Variants in SEM1 observed in about 807,000 individuals in gnomAD.
SEM1 encodes SEM1 26S proteasome subunit, also known as 26S proteasome complex subunit SEM1.
Under a neutral mutation model 12.7 loss-of-function variants are expected in SEM1, and 3 were observed. The ratio of observed to expected loss-of-function variants is 0.24; its 90% CI spans 0.11 to 0.61. The LOEUF (loss-of-function observed/expected upper bound fraction) is 0.61, where lower values mean the gene tolerates loss of function less well. SEM1 is among the 20% of genes least tolerant of loss of function. The pLI, the probability that SEM1 is intolerant of heterozygous loss-of-function variation, is 0.88. For missense variants in SEM1, 59 were observed against 81.3 expected, an observed-to-expected ratio of 0.73 and a Z score of 1.06; for synonymous variants, 30 against 27.8, an observed-to-expected ratio of 1.08 and a Z score of -0.25.
At position 96,682,463 on chromosome 7, in the gene SEM1, C is replaced by T. The variant is rs146389107; in HGVS notation, c.171-8604G>A. 5.8e-3 allele frequency among the ~76,000 whole-genome samples: 883 copies of T among 152,110 alleles called. 9 individuals carry two copies. The highest frequency in any genetic ancestry group is 0.019 in the African/African-American group (790 of 41,510). ...GAGAGAGGTCATCCTTGTCTTGTAC[C>T]GGTTTTCAAAGGGGATGCTTCCAGT... is the stretch of plus-strand genomic sequence containing the variant. On this transcript the variant is annotated intron_variant, in intron 2 of 2. Transcript: ENST00000413065.
At chr7:96,706,751 C>G (rs549673177) in intron 1 of SEM1, among the ~76,000 whole-genome samples, 2 of 152,068 alleles carry the variant, frequency 1.3e-5, no homozygotes, top group Non-Finnish European at 2.9e-5. Context: ...CCACCAGTAA[C>G]GACTTTCATG....
At chr7:96,561,867 G>A (rs1242192516) in intron 2 of SEM1, among the ~76,000 whole-genome samples, 1 of 152,136 alleles carries the variant, frequency 6.6e-6, no homozygotes, top group Admixed American at 6.5e-5. Context: ...ACACCTAGGT[G>A]GAAAAGTCAG....
rs376701349 is a variant in SEM1, at chr7:96,688,882, A to C, written c.*42T>G. ...TGGGTTCTCTGCCCTAGAATGTATT[A>C]AGCAGGTCAAGTTTAGGTTACTTCA... On this transcript the variant is annotated 3_prime_UTR_variant, in exon 3 of 3. Coordinates refer to ENST00000248566, the MANE Select transcript of SEM1 (RefSeq NM_006304.2). The C allele has an allele frequency of 1.7e-5, 22 of 1,303,658 alleles. No homozygotes were observed. In the East Asian group the frequency reaches 4.9e-4, roughly 29 times the overall value. The allele number at this position is 1,303,658 out of a possible 1,614,324, so 80.8% of individuals were successfully genotyped here. A position where few individuals can be genotyped will look rare whatever the true frequency, so the allele number is the denominator to read the frequency against.
At position 96,493,008 on chromosome 7, in the gene SEM1, C is replaced by G. The variant is rs548818816; in HGVS notation, c.12+3276G>C. Among the ~76,000 whole-genome samples the G allele has an allele frequency of 4.1e-4, 63 of 152,232 alleles. 1 individual carries two copies. Among genetic ancestry groups the G allele is most frequent in the Middle Eastern group, 6.8e-3 (2 of 294 alleles). ...TTGAGATGGAGTCTCACTCTGCCAC[C>G]CAGGCTGGAGTGTGGAGTGCAGTAA... On this transcript the variant is annotated intron_variant, in intron 1 of 3. Transcript: ENST00000356686.
At chr7:96,566,572 C>T (rs1028788130) in intron 2 of SEM1, among the ~76,000 whole-genome samples, 2 of 151,486 alleles carry the variant, frequency 1.3e-5, no homozygotes, top group African/African-American at 4.8e-5. Flanking sequence ...TAGCATATTA[C>T]AAATATTCTT....
chr7:96,541,439 TTTTG>T (rs1315495708), intron 2 of SEM1, among the ~76,000 whole-genome samples: 13 of 135,226 alleles, frequency 9.6e-5, no homozygotes, highest in African/African-American at 3.9e-4. Flanking sequence ...GGGTTTTTTT[TTTTG>T]TTTTTTTTTT....
rs61558485 is a variant in SEM1 at position 96,518,015 on chromosome 7, AC to A, written c.171-11318del. On this transcript the variant is annotated intron_variant and NMD_transcript_variant, in intron 2 of 3. Transcript: ENST00000466986. ...GACAGAAGGCATTAGGCCAGATGAT[AC>A]AAGGACAATTATCATATAGGATGGA... Among the ~76,000 whole-genome samples, 681 of 152,318 alleles carry A rather than the reference AC, an allele frequency of 4.5e-3. 8 individuals are homozygous for A. The highest frequency in any genetic ancestry group is 0.015 in the African/African-American group (637 of 41,576).
At chr7:96,679,001 G>A (rs766326246) in intron 2 of SEM1, among the ~76,000 whole-genome samples, 2 of 151,988 alleles carry the variant, frequency 1.3e-5, no homozygotes, top group Non-Finnish European at 2.9e-5. Flanking sequence ...CTTCCAAAAC[G>A]AGACTTATTT....
intron 2 of SEM1, among the ~76,000 whole-genome samples, chr7:96,580,705 T>G (rs1806368119): frequency 6.6e-6 from 1 of 151,936 alleles, no homozygotes; most frequent in Non-Finnish European, 1.5e-5. Context: ...TTGATTTGCA[T>G]TTCTCTGATG....
At chr7:96,525,115 T>A (rs1256326465) in intron 2 of SEM1, among the ~76,000 whole-genome samples, 3 of 152,112 alleles carry the variant, frequency 2.0e-5, no homozygotes, top group African/African-American at 7.2e-5. Flanking sequence ...TTTGCAAGTT[T>A]GTCTAAGGAA....
chr7:96,684,698 G>A (rs1365364131), downstream of SEM1, among the ~76,000 whole-genome samples: 2 of 152,090 alleles, frequency 1.3e-5, no homozygotes, highest in African/African-American at 2.4e-5. Context: ...AAGACTGGAG[G>A]AAAGATCAGG....
At chr7:96,636,019 C>A (rs1429199610) in intron 2 of SEM1, among the ~76,000 whole-genome samples, 1 of 151,730 alleles carries the variant, frequency 6.6e-6, no homozygotes, top group Admixed American at 6.6e-5. Flanking sequence ...CTAATTTTTC[C>A]ATAATATACT....
intron 3 of SEM1, among the ~76,000 whole-genome samples, chr7:96,505,142 C>T (rs1467672466): frequency 6.6e-6 from 1 of 151,346 alleles, no homozygotes; most frequent in South Asian, 2.1e-4. Context: ...TCACTCTGTC[C>T]CCCAGGCTGG....
intron 1 of SEM1, among the ~76,000 whole-genome samples, chr7:96,487,021 G>A (rs997582424): frequency 2.0e-5 from 3 of 152,052 alleles, no homozygotes; most frequent in African/African-American, 4.8e-5. Flanking sequence ...GCTTTTTGTC[G>A]TGTGCATGCA....
intron 2 of SEM1, among the ~76,000 whole-genome samples, chr7:96,693,790 G>A (rs1254779408): frequency 1.7e-3 from 245 of 145,534 alleles, no homozygotes; most frequent in Middle Eastern, 3.4e-3. Context: ...GTGTGTGTGT[G>A]TATATATATA....
chr7:96,635,370 T>C (rs1253096785), intron 2 of SEM1, among the ~76,000 whole-genome samples: 2 of 152,102 alleles, frequency 1.3e-5, no homozygotes, highest in African/African-American at 4.8e-5. Context: ...GCTTGAGATA[T>C]CCATGTTGGG....
intron 2 of SEM1, among the ~76,000 whole-genome samples, chr7:96,513,295 C>A (rs1417263452): frequency 6.6e-6 from 1 of 152,162 alleles, no homozygotes; most frequent in East Asian, 1.9e-4. Flanking sequence ...ACCCTGATTT[C>A]AGATTTCTAA....
At chr7:96,555,604 T>G (rs1805458520) in intron 2 of SEM1, among the ~76,000 whole-genome samples, 1 of 142,404 alleles carries the variant, frequency 7.0e-6, no homozygotes, top group African/African-American at 2.6e-5. Context: ...AGAGCTTTAC[T>G]TCCAAGTATG....
intron 2 of SEM1, among the ~76,000 whole-genome samples, chr7:96,647,060 G>A (rs1808816750): frequency 6.6e-6 from 1 of 152,182 alleles, no homozygotes; most frequent in Non-Finnish European, 1.5e-5. Flanking sequence ...ATATTGAGAA[G>A]TTTACAAAGC....
Sources: allele counts gnomAD v4.1 joint callset (sites outside exome capture counted in the v4.1 genomes callset), GRCh38; gene constraint gnomAD v4.1.1; transcripts MANE v1.5; gene names NCBI Gene and HGNC (gene_info 2026-07-23, HGNC 2026-07-21).